The following MATN2 variants were observed in gnomAD, a reference collection of about 807,000 sequenced individuals.
The protein encoded by MATN2 is matrilin 2.
A neutral mutation model predicts 103.2 loss-of-function variants in MATN2; 69 were observed. The ratio of observed to expected loss-of-function variants is 0.67; its 90% CI spans 0.55 to 0.82. The LOEUF is 0.82. Among genes scored for constraint, MATN2 ranks in the 40% least tolerant of loss-of-function variants. The pLI is 0.00. For synonymous variants in MATN2, 429 were observed against 450.2 expected (o/e 0.95, Z 0.60); for missense variants, 1,023 against 1,211.5 (o/e 0.84, Z 2.31).
At chr8:98,032,563 A>G (rs1180268410) in intron 16 of MATN2, among the ~76,000 whole-genome samples, 2 of 151,818 alleles carry the variant, frequency 1.3e-5, no homozygotes, top group Non-Finnish European at 1.5e-5. Flanking sequence ...AGACAGTTTC[A>G]TTCTGTTGCC....
intron 5 of MATN2, among the ~76,000 whole-genome samples, chr8:97,963,586 A>G (rs1466106754): frequency 6.6e-6 from 1 of 152,186 alleles, no homozygotes; most frequent in Admixed American, 6.5e-5. Context: ...GGGAGGGTAG[A>G]TGCTGTCATT....
At chr8:98,002,125 A>G (rs558248703) in intron 7 of MATN2, among the ~76,000 whole-genome samples, 13 of 152,268 alleles carry the variant, frequency 8.5e-5, no homozygotes, top group South Asian at 6.2e-4. Context: ...CCAGTTCTCT[A>G]TCTTCCCTGG....
At chr8:97,978,751 T>A in intron 5 of MATN2, 135 bp from the exon 6 acceptor site, 1 of 843,686 alleles carries the variant, frequency 1.2e-6, no homozygotes, top group Non-Finnish European at 1.9e-6. Context: ...CTTGGGTTCA[T>A]AACTGTTTAT....
intron 4 of MATN2, among the ~76,000 whole-genome samples, chr8:97,943,188 C>T (rs987038702): frequency 7.2e-5 from 11 of 152,152 alleles, no homozygotes; most frequent in Admixed American, 1.3e-4. Flanking sequence ...GGTCATCTCA[C>T]ACACTGCTCA....
chr8:98,010,089 C>A (rs1463821647), intron 10 of MATN2, among the ~76,000 whole-genome samples: 1 of 152,160 alleles, frequency 6.6e-6, no homozygotes, highest in Non-Finnish European at 1.5e-5. Context: ...GAGTGCAGAA[C>A]CCCCTCTTCC....
chr8:98,020,539 A>G (rs769776678), intron 12 of MATN2, among the ~76,000 whole-genome samples: 9 of 152,342 alleles, frequency 5.9e-5, no homozygotes, highest in South Asian at 2.1e-4. Flanking sequence ...AACACAAGGT[A>G]CAACTTCTAC....
intron 18 of MATN2, chr8:98,034,397 T>G (rs1814159708): frequency 3.1e-6 from 1 of 320,728 alleles, no homozygotes; most frequent in African/African-American, 2.2e-5. Context: ...CATCAACTAG[T>G]CTATAGGGAA....
At position 97,967,441 on chromosome 8, in the gene MATN2, A is replaced by T. The variant is rs1382141594; in HGVS notation, c.958+5911A>T. On this transcript the variant is annotated intron_variant, in intron 5 of 18. Coordinates refer to ENST00000254898, the MANE Select transcript of MATN2 (RefSeq NM_002380.5). The stretch of plus-strand genomic sequence containing the variant: ...TTCCACCTATGAGCCTGTGAGATTT[A>T]AAAAAAAAAAAAGAAAAAGTTTTTA... Among the ~76,000 whole-genome samples the T allele has an allele frequency of 3.5e-5, 5 of 144,086 alleles. No individual in the cohort carries two copies. In the East Asian group the frequency reaches 6.0e-4, roughly 17 times the overall value. The allele number at this position is 144,086 out of a possible 152,430, so 94.5% of individuals were successfully genotyped here. A position where few individuals can be genotyped will look rare whatever the true frequency, so the allele number is the denominator to read the frequency against.
chr8:97,929,598 A>C (rs1563673509), intron 2 of MATN2, among the ~76,000 whole-genome samples: 1 of 152,238 alleles, frequency 6.6e-6, no homozygotes, highest in Non-Finnish European at 1.5e-5. Flanking sequence ...AAACCTTTAC[A>C]GTCTTCTTGC....
intron 7 of MATN2, among the ~76,000 whole-genome samples, chr8:97,998,380 G>A (rs1373974285): frequency 1.3e-5 from 2 of 150,818 alleles, no homozygotes; most frequent in African/African-American, 2.4e-5. Context: ...AAATTAGCCG[G>A]GCTTGGTGGC....
intron 4 of MATN2, among the ~76,000 whole-genome samples, chr8:97,944,460 C>A (rs1810680661): frequency 6.6e-6 from 1 of 152,198 alleles, no homozygotes; most frequent in Non-Finnish European, 1.5e-5. Flanking sequence ...ATACTAATAA[C>A]TCTTTTGCTT....
At chr8:97,906,231 T>C (rs1361576711) in intron 2 of MATN2, among the ~76,000 whole-genome samples, 1 of 152,192 alleles carries the variant, frequency 6.6e-6, no homozygotes, top group Non-Finnish European at 1.5e-5. Flanking sequence ...ATTACCATCC[T>C]AGTGGGTGTT....
chr8:98,018,919 T>C (rs1813471615), intron 12 of MATN2, among the ~76,000 whole-genome samples: 2 of 151,896 alleles, frequency 1.3e-5, no homozygotes, highest in South Asian at 4.2e-4. Flanking sequence ...CATTTGCTTC[T>C]ATAGGTCACC....
chr8:97,935,452 T>G lies in MATN2; in HGVS notation c.712+3930T>G, dbSNP rs187334455. Among the ~76,000 whole-genome samples, 209 of 152,322 alleles carry G rather than the reference T, an allele frequency of 1.4e-3. 1 individual carries two copies. The highest frequency in any genetic ancestry group is 2.3e-3 in the Non-Finnish European group (154 of 68,026). ...AAGAGGAAATTGAGAACCAAAGAGG[T>G]TAAATAACTTGTCCAAGGTCACAAA... On this transcript the variant is annotated intron_variant, in intron 3 of 18. Transcript: ENST00000254898.
chr8:98,033,448 G>A, intron 17 of MATN2, 113 bp from the exon 18 acceptor site: 1 of 672,508 alleles, frequency 1.5e-6, no homozygotes. Flanking sequence ...CATGGAAAAA[G>A]TGGAACATGT....
intron 5 of MATN2, among the ~76,000 whole-genome samples, chr8:97,970,040 T>C (rs888311407): frequency 2.0e-5 from 3 of 152,140 alleles, no homozygotes; most frequent in African/African-American, 7.2e-5. Context: ...AAGCCAGAGG[T>C]AGAAGAAAAC....
At chr8:97,916,219 G>A (rs537373002) in intron 2 of MATN2, among the ~76,000 whole-genome samples, 3 of 152,014 alleles carry the variant, frequency 2.0e-5, no homozygotes, top group African/African-American at 4.8e-5. Flanking sequence ...GCAGGCACGC[G>A]CTACAACACC....
chr8:97,991,763 T>C (rs1812398227), intron 6 of MATN2, among the ~76,000 whole-genome samples: 1 of 152,068 alleles, frequency 6.6e-6, no homozygotes, highest in Admixed American at 6.6e-5. Context: ...GGGGTCTTGC[T>C]ATGTTGCTCA....
chr8:97,928,969 C>CA (rs1439099360), intron 2 of MATN2, among the ~76,000 whole-genome samples: 3 of 152,186 alleles, frequency 2.0e-5, no homozygotes, highest in African/African-American at 7.2e-5. Context: ...CACCAAGTGA[C>CA]AAAGTGCTCT....
Sources: gnomAD v4.1 joint callset for allele counts (sites outside exome capture counted in the v4.1 genomes callset) on GRCh38, gnomAD v4.1.1 for gene constraint, MANE v1.5 for transcripts, NCBI Gene and HGNC (gene_info 2026-07-23, HGNC 2026-07-21) for gene names.